The following KATNAL1 variants were observed in gnomAD, a reference collection of about 807,000 sequenced individuals.
The protein encoded by KATNAL1 is katanin catalytic subunit A1 like 1.
KATNAL1 carries 32 observed loss-of-function variants against 55.2 expected under a neutral mutation model. That is an observed-to-expected ratio of 0.58 (90% CI 0.44 to 0.78). The LOEUF (loss-of-function observed/expected upper bound fraction) is 0.78, where lower values mean the gene tolerates loss of function less well. Among genes scored for constraint, KATNAL1 ranks in the 30% least tolerant of loss-of-function variants. KATNAL1 has a pLI of 0.00. For synonymous variants in KATNAL1, 193 were observed against 193.6 expected, an observed-to-expected ratio of 1.00 and a Z score of 0.02; for missense variants, 466 against 600.9, an observed-to-expected ratio of 0.78 and a Z score of 2.35.
In KATNAL1 at chr13:30,264,040, G is replaced by C. The variant is rs1246112052; in HGVS notation, c.324-8425C>G. Among the ~76,000 whole-genome samples the C allele has an allele frequency of 7.0e-4, 104 of 147,880 alleles. 1 individual carries two copies. The East Asian group carries it at 0.02, about 29-fold the overall frequency. ...TACCAAAACAGAGATATAGATCAACGGAACAAAACAGAGCCCTCAGAAATA... is the reference window on the plus strand; with the variant it reads ...TACCAAAACAGAGATATAGATCAACCGAACAAAACAGAGCCCTCAGAAATA... On this transcript the variant is annotated intron_variant, in intron 3 of 10. Transcript: ENST00000380615.
At chr13:30,303,898 T>C (rs530037764) in intron 1 of KATNAL1, among the ~76,000 whole-genome samples, 1 of 152,348 alleles carries the variant, frequency 6.6e-6, no homozygotes, top group East Asian at 1.9e-4. Context: ...ACCTGCTTAA[T>C]ATGGTCAAGT....
Position 30,208,581 on chromosome 13 carries a change from C to T in KATNAL1, c.1432G>A (p.Glu478Lys), listed in dbSNP as rs752937086. 12 of 1,609,460 alleles carry T rather than the reference C, an allele frequency of 7.5e-6. No individual in the cohort carries two copies. In the South Asian group the frequency reaches 1.1e-4, roughly 15 times the overall value. The change falls in exon 11 of 11, where the codon GAG becomes AAG. Residue 478 changes from glutamate (E) to lysine (K), a missense_variant. Glu to Lys is a moderately conservative substitution (Grantham distance 56). This residue lies in a region of KATNAL1 where 213 missense variants were observed against 308.6 expected (regional missense o/e 0.69). Transcript: ENST00000380615. Reference sequence around the variant, plus strand: ...TCAACCATCCATTTTTCATACTTCTCCAAGTCTGCAGCAGAGACAGACTTA... The same window carrying T: ...TCAACCATCCATTTTTCATACTTCTTCAAGTCTGCAGCAGAGACAGACTTA... ...IAKSVSAADL[E>K]KYEKWMVEFG...
chr13:30,243,659 G>A (rs1201020783), intron 4 of KATNAL1, among the ~76,000 whole-genome samples: 15 of 131,166 alleles, frequency 1.1e-4, no homozygotes, highest in Non-Finnish European at 3.2e-5. Flanking sequence ...AAAAGAGATA[G>A]ATTTCAGATC....
intron 1 of KATNAL1, among the ~76,000 whole-genome samples, chr13:30,287,672 T>C (rs1359183599): frequency 6.6e-6 from 1 of 152,190 alleles, no homozygotes; most frequent in African/African-American, 2.4e-5. Context: ...CGAAACAATA[T>C]GGCCTTATTA....
At chr13:30,264,555 G>C (rs1879586473) in intron 3 of KATNAL1, among the ~76,000 whole-genome samples, 4 of 151,302 alleles carry the variant, frequency 2.6e-5, no homozygotes, top group African/African-American at 9.8e-5. Flanking sequence ...ATCAAAAAGT[G>C]GGTTAAGGAC....
intron 9 of KATNAL1, among the ~76,000 whole-genome samples, chr13:30,226,112 AAT>A (rs1875440876): frequency 1.3e-5 from 2 of 152,224 alleles, no homozygotes; most frequent in Middle Eastern, 3.2e-3. Context: ...CTGAAATTAA[AAT>A]AGTGACAACA....
Position 30,274,889 on chromosome 13 carries a change from ATACGCGCGCGCGCGCG to A in KATNAL1, c.323+5158_323+5173del, listed in dbSNP as rs1297741488. On this transcript the variant is annotated intron_variant, in intron 3 of 10. Transcript: ENST00000380615. The stretch of plus-strand genomic sequence containing the variant: ...TTGGGGGCGGGGTGTGTGCACACAC[ATACGCGCGCGCGCGCG>A]CGCACACACACACACACACACACAC... Among the ~76,000 whole-genome samples the A allele has an allele frequency of 4.7e-5, 5 of 107,054 alleles. No individual in the cohort carries two copies. In the East Asian group the frequency reaches 7.7e-4, roughly 16 times the overall value. 70.2% of individuals were successfully genotyped at this position (107,054 alleles called of 152,430 possible).
intron 1 of KATNAL1, among the ~76,000 whole-genome samples, chr13:30,290,489 A>G (rs1382950609): frequency 6.6e-6 from 1 of 152,104 alleles, no homozygotes; most frequent in Non-Finnish European, 1.5e-5. Context: ...TAATCGGAAT[A>G]CTCCTTTATC....
chr13:30,243,608 C>A (rs1220667125), intron 4 of KATNAL1, among the ~76,000 whole-genome samples: 2 of 86,466 alleles, frequency 2.3e-5, no homozygotes, highest in African/African-American at 5.9e-5. Context: ...GGTATTAAGC[C>A]AAAAAAAAAA....
At chr13:30,305,484 T>C (rs534903040) in intron 1 of KATNAL1, among the ~76,000 whole-genome samples, 10 of 152,330 alleles carry the variant, frequency 6.6e-5, no homozygotes, top group Admixed American at 4.6e-4. Context: ...TTCTACTAAA[T>C]GACAGAGAAT....
intron 3 of KATNAL1, among the ~76,000 whole-genome samples, chr13:30,262,061 A>T (rs1481807199): frequency 1.3e-5 from 2 of 152,112 alleles, no homozygotes; most frequent in Non-Finnish European, 2.9e-5. Flanking sequence ...AGGATTAAGA[A>T]TCTCACTCAA....
chr13:30,302,709 AAG>A, intron 1 of KATNAL1, among the ~76,000 whole-genome samples: 1 of 152,360 alleles, frequency 6.6e-6, no homozygotes. Flanking sequence ...TAAAAAACAC[AAG>A]AGTGAGTATA....
In KATNAL1 at chr13:30,208,733, G is replaced by A; in HGVS notation, c.1280C>T (p.Ala427Val). The change falls in exon 11 of 11, where the codon GCC (alanine) becomes GTC (valine). Residue 427 changes from alanine to valine, a missense_variant. Physicochemically the swap from Ala to Val is moderately conservative, Grantham distance 64. Transcript: ENST00000380615. ...ACGCCGTCTCATTGCCATTAAAGAG[G>A]CATCCCTAAAAATATACCAAAATCA... is the stretch of plus-strand genomic sequence containing the variant. ...GADITNVCRD[A>V]SLMAMRRRIN... is the part of the protein sequence containing the mutation. 3.7e-6 allele frequency: 6 copies of A among 1,602,838 alleles called. No homozygotes were observed. Among genetic ancestry groups the A allele is most frequent in the Non-Finnish European group, 4.3e-6 (5 of 1,173,958 alleles).
At chr13:30,226,464 T>G (rs1377236297) in intron 9 of KATNAL1, among the ~76,000 whole-genome samples, 1 of 152,168 alleles carries the variant, frequency 6.6e-6, no homozygotes, top group African/African-American at 2.4e-5. Flanking sequence ...GAACCTCAAG[T>G]GAAAGTAGCC....
At chr13:30,302,437 G>A (rs1278036623) in intron 1 of KATNAL1, among the ~76,000 whole-genome samples, 2 of 140,430 alleles carry the variant, frequency 1.4e-5, no homozygotes, top group Non-Finnish European at 3.2e-5. Flanking sequence ...ACAGAAGTAG[G>A]TCAGAAAAAA....
In KATNAL1 at chr13:30,294,259, G is replaced by A. The variant is rs374296748; in HGVS notation, c.-14-10468C>T. Reference sequence around the variant, plus strand: ...AGATAGGGCAAGAGGTAGATCTCTCGTGCCAAAGAGCCAAGTTGTAAATGC... The same window carrying A: ...AGATAGGGCAAGAGGTAGATCTCTCATGCCAAAGAGCCAAGTTGTAAATGC... On this transcript the variant is annotated intron_variant, in intron 1 of 10. Coordinates refer to ENST00000380615, the MANE Select transcript of KATNAL1 (RefSeq NM_032116.5). Among the ~76,000 whole-genome samples, 17 of 152,218 alleles carry A rather than the reference G, an allele frequency of 1.1e-4. No individual in the cohort carries two copies. The South Asian group carries it at 1.9e-3, about 17-fold the overall frequency.
At chr13:30,266,986 G>A (rs1403926974) in intron 3 of KATNAL1, among the ~76,000 whole-genome samples, 1 of 152,154 alleles carries the variant, frequency 6.6e-6, no homozygotes, top group Non-Finnish European at 1.5e-5. Context: ...TTTCGGATGA[G>A]CCATACTAAA....
At chr13:30,221,964 T>C (rs913301628) in intron 9 of KATNAL1, among the ~76,000 whole-genome samples, 2 of 152,000 alleles carry the variant, frequency 1.3e-5, no homozygotes, top group African/African-American at 4.8e-5. Context: ...GGCAGGAGAA[T>C]CCCTTGAACC....
intron 8 of KATNAL1, among the ~76,000 whole-genome samples, chr13:30,229,066 ATTT>A (rs1875811612): frequency 6.6e-6 from 1 of 152,084 alleles, no homozygotes; most frequent in Admixed American, 6.5e-5. Flanking sequence ...CACCCTGGAT[ATTT>A]TTTAATGTAT....
Sources: gnomAD v4.1 joint callset for allele counts (sites outside exome capture counted in the v4.1 genomes callset) on GRCh38, gnomAD v4.1.1 for gene constraint, gnomAD v4.1.1 regional missense constraint, MANE v1.5 for transcripts, NCBI Gene and HGNC (gene_info 2026-07-23, HGNC 2026-07-21) for gene names.